The following MCC variants were observed in gnomAD, a reference collection of about 807,000 sequenced individuals.
The protein encoded by MCC is MCC regulator of Wnt signaling pathway, also known as colorectal mutant cancer protein.
MCC carries 90 observed loss-of-function variants against 116.2 expected under a neutral mutation model. The observed-to-expected ratio is 0.77, with a 90% CI of 0.65 to 0.92. The LOEUF is 0.92. MCC is among the 40% of genes least tolerant of loss of function. MCC has a pLI of 0.00. For missense variants in MCC, 1,516 were observed against 1,312.2 expected (o/e 1.16, Z -2.40); for synonymous variants, 578 against 510.5 (o/e 1.13, Z -1.78).
intron 3 of MCC, among the ~76,000 whole-genome samples, chr5:113,197,918 G>C (rs34464441): frequency 0.022 from 3,417 of 152,328 alleles, 50 homozygotes; most frequent in Non-Finnish European, 0.034. Context: ...GCACAGAGGT[G>C]ACACTCGTGT....
intron 17 of MCC, among the ~76,000 whole-genome samples, chr5:113,040,605 G>A (rs1751639638): frequency 6.6e-6 from 1 of 152,094 alleles, no homozygotes; most frequent in Non-Finnish European, 1.5e-5. Flanking sequence ...AAAAACCTCA[G>A]GAATCATTTC....
intron 2 of MCC, among the ~76,000 whole-genome samples, chr5:113,372,789 C>T (rs1205589838): frequency 3.3e-5 from 5 of 152,104 alleles, no homozygotes; most frequent in Non-Finnish European, 5.9e-5. Flanking sequence ...ACTCCCCGGG[C>T]TCAAGCAGTC....
At chr5:113,226,366 T>C (rs1276981619) in intron 3 of MCC, among the ~76,000 whole-genome samples, 1 of 152,124 alleles carries the variant, frequency 6.6e-6, no homozygotes, top group East Asian at 1.9e-4. Flanking sequence ...TGGAGAAAAA[T>C]GAGATGTGCT....
chr5:113,235,126 GAAAGGTGCC>G (rs1451728298), intron 3 of MCC, among the ~76,000 whole-genome samples: 8 of 152,198 alleles, frequency 5.3e-5, no homozygotes, highest in Non-Finnish European at 1.0e-4. Flanking sequence ...TGCCCGAGGT[GAAAGGTGCC>G]ATATAAAACT....
At chr5:113,254,982 TG>T (rs1186767771) in intron 3 of MCC, among the ~76,000 whole-genome samples, 2 of 152,086 alleles carry the variant, frequency 1.3e-5, no homozygotes, top group Non-Finnish European at 1.5e-5. Context: ...CTGACCAACA[TG>T]GTGAAACCCC....
chr5:113,445,695 C>T (rs1214931300), intron 1 of MCC, among the ~76,000 whole-genome samples: 1 of 152,054 alleles, frequency 6.6e-6, no homozygotes, highest in Non-Finnish European at 1.5e-5. Context: ...CAATGCTATT[C>T]CTATCAAACA....
chr5:113,158,179 G>A (rs887636688), intron 3 of MCC, among the ~76,000 whole-genome samples: 1 of 152,234 alleles, frequency 6.6e-6, no homozygotes, highest in Non-Finnish European at 1.5e-5. Flanking sequence ...GCAGTTGACT[G>A]CAAGTAAATG....
chr5:113,196,851 A>G (rs1287264471), intron 3 of MCC, among the ~76,000 whole-genome samples: 2 of 152,132 alleles, frequency 1.3e-5, no homozygotes, highest in African/African-American at 4.8e-5. Context: ...AAATCAATCA[A>G]TCAATCTGTG....
At chr5:113,101,678 C>T (rs371176614) in intron 8 of MCC, 61 bp downstream of exon 8, 6 of 1,571,006 alleles carry the variant, frequency 3.8e-6, no homozygotes, top group South Asian at 3.3e-5. Flanking sequence ...GTGCTATACA[C>T]CAGCCTCTCT....
chr5:113,343,510 G>A (rs572379363), intron 2 of MCC, among the ~76,000 whole-genome samples: 4 of 152,300 alleles, frequency 2.6e-5, no homozygotes, highest in South Asian at 2.1e-4. Flanking sequence ...GCAACATGTG[G>A]CAAGAAGACT....
chr5:113,193,420 T>TG (rs1019189714), intron 3 of MCC, among the ~76,000 whole-genome samples: 8 of 152,272 alleles, frequency 5.3e-5, no homozygotes, highest in African/African-American at 1.9e-4. Flanking sequence ...TATTTGAGAA[T>TG]GGTAACATGG....
intron 3 of MCC, among the ~76,000 whole-genome samples, chr5:113,172,322 T>A (rs1761114528): frequency 6.6e-6 from 1 of 152,206 alleles, no homozygotes; most frequent in Non-Finnish European, 1.5e-5. Context: ...TTTAACAGCC[T>A]AGGCAAAATT....
intron 3 of MCC, among the ~76,000 whole-genome samples, chr5:113,161,126 A>G (rs1406189041): frequency 6.6e-6 from 1 of 152,232 alleles, no homozygotes; most frequent in Non-Finnish European, 1.5e-5. Context: ...TTTTCAAGGG[A>G]AACGAAAATT....
At chr5:113,083,312 G>A (rs992513727) in intron 10 of MCC, among the ~76,000 whole-genome samples, 1 of 152,104 alleles carries the variant, frequency 6.6e-6, no homozygotes, top group Non-Finnish European at 1.5e-5. Flanking sequence ...ATGTGGAACA[G>A]AGTCAGGATT....
chr5:113,142,364 A>G (rs1465124006), intron 5 of MCC, among the ~76,000 whole-genome samples: 1 of 151,934 alleles, frequency 6.6e-6, no homozygotes, highest in Non-Finnish European at 1.5e-5. Flanking sequence ...CGCCAGGAAC[A>G]TGAAAATGCT....
chr5:113,101,711 C>G (rs769743771), intron 8 of MCC, 28 bp downstream of exon 8: 1 of 1,610,964 alleles, frequency 6.2e-7, no homozygotes, highest in African/African-American at 1.3e-5. Flanking sequence ...CAGGAAGGGC[C>G]TGACCATTAT....
At chr5:113,132,879 G>A (rs1030206596) in intron 5 of MCC, among the ~76,000 whole-genome samples, 7 of 152,182 alleles carry the variant, frequency 4.6e-5, no homozygotes, top group African/African-American at 1.7e-4. Flanking sequence ...TCAGTGGCAT[G>A]GGGTGTCCCA....
chr5:113,076,138 A>C (rs1754438754), intron 11 of MCC, among the ~76,000 whole-genome samples: 1 of 152,106 alleles, frequency 6.6e-6, no homozygotes, highest in African/African-American at 2.4e-5. Context: ...AGAACCCACC[A>C]ATACTGGACA....
chr5:113,103,486 A>T (rs2150256166), intron 7 of MCC, among the ~76,000 whole-genome samples: 1 of 152,346 alleles, frequency 6.6e-6, no homozygotes, highest in Non-Finnish European at 1.5e-5. Context: ...TCAACTACAT[A>T]TTTGCAATTG....
Sources: allele counts gnomAD v4.1 joint callset (sites outside exome capture counted in the v4.1 genomes callset), GRCh38; gene constraint gnomAD v4.1.1; transcripts MANE v1.5; gene names NCBI Gene and HGNC (gene_info 2026-07-23, HGNC 2026-07-21).